SPRED2: variants seen among roughly 807,000 people sequenced by gnomAD.
The protein encoded by SPRED2 is sprouty related EVH1 domain containing 2.
In SPRED2, 47 loss-of-function variants were observed where a neutral mutation model predicts 43.0. The observed-to-expected ratio is 1.09, with a 90% CI of 0.87 to 1.40. The LOEUF (loss-of-function observed/expected upper bound fraction) is 1.40, where lower values mean the gene tolerates loss of function less well. Ranked by LOEUF, SPRED2 falls within the 40% of genes most tolerant of loss-of-function variation. The probability of loss-of-function intolerance (pLI) is 0.00; values close to 1 mark genes in which losing one functional copy is unlikely to be tolerated. For missense variants in SPRED2, 561 were observed against 586.4 expected (o/e 0.96, Z 0.45); for synonymous variants, 225 against 225.7 (o/e 1.00, Z 0.03).
intron 1 of SPRED2, among the ~76,000 whole-genome samples, chr2:65,387,375 C>G (rs3732102): frequency 0.16 from 24,586 of 152,206 alleles, 2,383 homozygotes; most frequent in Non-Finnish European, 0.2. Flanking sequence ...GTTTCCATAG[C>G]TAAAACAGTC....
At position 65,313,431 on chromosome 2, in the gene SPRED2, G is replaced by A; in HGVS notation, c.*70C>T. ...CCTTGGAGTGGAAGGGAGCGGGGGA[G>A]AAGATGAGAGTATGTAAGAGACGAG... is the stretch of plus-strand genomic sequence containing the variant. On this transcript the variant is annotated 3_prime_UTR_variant, in exon 6 of 6. Transcript: ENST00000356388. The A allele has an allele frequency of 6.5e-7, 1 of 1,529,654 alleles. No individual in the cohort carries two copies. Among genetic ancestry groups the A allele is most frequent in the African/African-American group, 1.4e-5 (1 of 72,448 alleles). 94.8% of individuals were successfully genotyped at this position (1,529,654 alleles called of 1,614,324 possible).
intron 2 of SPRED2, among the ~76,000 whole-genome samples, chr2:65,337,156 G>C (rs1239514141): frequency 6.6e-6 from 1 of 152,112 alleles, no homozygotes; most frequent in Non-Finnish European, 1.5e-5. Flanking sequence ...CCTAAATTAA[G>C]TGAGGGGGGA....
chr2:65,403,830 C>T (rs1675960681), intron 1 of SPRED2, among the ~76,000 whole-genome samples: 1 of 152,102 alleles, frequency 6.6e-6, no homozygotes, highest in Non-Finnish European at 1.5e-5. Context: ...TGTTCTGAGC[C>T]ATAATTAGGT....
intron 4 of SPRED2, among the ~76,000 whole-genome samples, chr2:65,321,616 G>GTC (rs765663525): frequency 2.6e-5 from 4 of 151,646 alleles, no homozygotes; most frequent in African/African-American, 4.8e-5. Flanking sequence ...AAACAACAGG[G>GTC]TCTCAGCTCA....
chr2:65,402,760 C>T (rs1187417913), intron 1 of SPRED2, among the ~76,000 whole-genome samples: 1 of 152,144 alleles, frequency 6.6e-6, no homozygotes, highest in East Asian at 1.9e-4. Context: ...TAATATAATT[C>T]CATAAAGAGC....
chr2:65,387,685 T>C (rs1269627303), intron 1 of SPRED2, among the ~76,000 whole-genome samples: 1 of 152,146 alleles, frequency 6.6e-6, no homozygotes, highest in Admixed American at 6.5e-5. Context: ...CCAATTTAGA[T>C]CTAAAGACTA....
intron 1 of SPRED2, among the ~76,000 whole-genome samples, chr2:65,387,875 C>A (rs955104982): frequency 1.3e-5 from 2 of 151,620 alleles, no homozygotes; most frequent in Non-Finnish European, 2.9e-5. Context: ...TCACTGCATT[C>A]TCCGCCTCCC....
At chr2:65,404,073 C>T (rs1030938251) in intron 1 of SPRED2, among the ~76,000 whole-genome samples, 1 of 151,958 alleles carries the variant, frequency 6.6e-6, no homozygotes, top group Non-Finnish European at 1.5e-5. Flanking sequence ...GGCATGGTGG[C>T]GGATGCCTGT....
intron 2 of SPRED2, among the ~76,000 whole-genome samples, chr2:65,336,502 G>A (rs930793921): frequency 1.3e-5 from 2 of 152,066 alleles, no homozygotes; most frequent in South Asian, 2.1e-4. Context: ...TATTGAGATC[G>A]GACAACAGTT....
At chr2:65,378,505 G>C (rs1675297785) in intron 1 of SPRED2, among the ~76,000 whole-genome samples, 1 of 152,184 alleles carries the variant, frequency 6.6e-6, no homozygotes, top group Non-Finnish European at 1.5e-5. Flanking sequence ...GAGTACATGG[G>C]GTGGGGGCAT....
rs761665293 is a variant in SPRED2, at chr2:65,386,285, C to CAAAA, written c.27-41393_27-41390dup. ...GGGCGACAAGAGTGAGACTCTGTCT[C>CAAAA]AAAAAAAAAAAAAAAAAAAGAAAGC... On this transcript the variant is annotated intron_variant, in intron 1 of 5. Transcript: ENST00000356388. Among the ~76,000 whole-genome samples the CAAAA allele has an allele frequency of 1.8e-3, 102 of 55,290 alleles. 6 individuals carry two copies. Among genetic ancestry groups the CAAAA allele is most frequent in the East Asian group, 3.2e-3 (7 of 2,160 alleles). 36.3% of individuals were successfully genotyped at this position (55,290 alleles called of 152,430 possible). A position where few individuals can be genotyped will look rare whatever the true frequency, so the allele number is the denominator to read the frequency against.
At chr2:65,346,824 A>G (rs938382637) in intron 1 of SPRED2, among the ~76,000 whole-genome samples, 70 of 151,936 alleles carry the variant, frequency 4.6e-4, no homozygotes, top group Admixed American at 4.5e-3. Flanking sequence ...TACAGACCTC[A>G]CTTCCCTTCA....
At chr2:65,421,522 C>T (rs534703155) in intron 1 of SPRED2, among the ~76,000 whole-genome samples, 4 of 152,222 alleles carry the variant, frequency 2.6e-5, no homozygotes, top group Non-Finnish European at 5.9e-5. Flanking sequence ...AGCACGGCTA[C>T]AGGATCCTCC....
chr2:65,344,564 G>T, intron 2 of SPRED2, 155 bp downstream of exon 2: 1 of 921,270 alleles, frequency 1.1e-6, no homozygotes, highest in Non-Finnish European at 1.7e-6. Flanking sequence ...TTTACAATTT[G>T]GCACCAGCTC....
At chr2:65,396,092 T>A (rs929394234) in intron 1 of SPRED2, among the ~76,000 whole-genome samples, 1 of 152,210 alleles carries the variant, frequency 6.6e-6, no homozygotes, top group Non-Finnish European at 1.5e-5. Context: ...TTAGTTTTCT[T>A]ATGAGGAAAA....
chr2:65,401,940 C>CGT (rs1675909092), intron 1 of SPRED2, among the ~76,000 whole-genome samples: 1 of 111,082 alleles, frequency 9.0e-6, no homozygotes, highest in South Asian at 3.0e-4. Flanking sequence ...CGCGCGCGCA[C>CGT]ACACACACAC....
In SPRED2 at chr2:65,350,459, C is replaced by T. The variant is rs560457200; in HGVS notation, c.27-5563G>A. ...GTGTCTGAACTTGAGCTGAACAGCC[C>T]CAACAATGTTATTACAAATGGTGTT... is the stretch of plus-strand genomic sequence containing the variant. On this transcript the variant is annotated intron_variant, in intron 1 of 5. Coordinates refer to ENST00000356388, the MANE Select transcript of SPRED2 (RefSeq NM_181784.3). Among the ~76,000 whole-genome samples the T allele has an allele frequency of 2.0e-5, 3 of 152,132 alleles. No individual in the cohort carries two copies. The East Asian group carries it at 5.8e-4, about 29-fold the overall frequency.
chr2:65,311,008 A>G lies in SPRED2; in HGVS notation c.*2493T>C. ...CAGAGGTAAAAAGGCTTATTATAAA[A>G]AAATCAATACAACAGGGTTTTTAGT... On this transcript the variant is annotated 3_prime_UTR_variant, in exon 6 of 6. Coordinates refer to ENST00000356388, the MANE Select transcript of SPRED2 (RefSeq NM_181784.3). 1.0e-6 allele frequency: 1 copy of G among 984,708 alleles called. No individual in the cohort carries two copies. 61.0% of individuals were successfully genotyped at this position (984,708 alleles called of 1,614,324 possible).
In SPRED2 at chr2:65,311,739, C is replaced by T. The variant is rs1673073056; in HGVS notation, c.*1762G>A. 1 of 985,330 alleles carries T rather than the reference C, an allele frequency of 1.0e-6. No homozygotes were observed. 61.0% of individuals were successfully genotyped at this position (985,330 alleles called of 1,614,324 possible). A position where few individuals can be genotyped will look rare whatever the true frequency, so the allele number is the denominator to read the frequency against. On this transcript the variant is annotated 3_prime_UTR_variant, in exon 6 of 6. Transcript: ENST00000356388. ...TTACTCCAATGAATGAAGACGTCTA[C>T]TAACTGACTCATAAGCACACTGGGT...
Sources: gnomAD v4.1 joint callset for allele counts (sites outside exome capture counted in the v4.1 genomes callset) on GRCh38, gnomAD v4.1.1 for gene constraint, MANE v1.5 for transcripts, NCBI Gene and HGNC (gene_info 2026-07-23, HGNC 2026-07-21) for gene names.